Variants in PDXK observed in about 807,000 individuals in gnomAD.
The protein encoded by PDXK is epididymis secretory sperm binding protein Li 1a.
Under a neutral mutation model 43.2 loss-of-function variants are expected in PDXK, and 15 were observed. The ratio of observed to expected loss-of-function variants is 0.35; its 90% confidence interval spans 0.23 to 0.53. The LOEUF is 0.53. Among genes scored for constraint, PDXK ranks in the 20% least tolerant of loss-of-function variants. PDXK has a pLI of 0.92. For missense variants in PDXK, 343 were observed against 417.0 expected, an observed-to-expected ratio of 0.82 and a Z score of 1.54; for synonymous variants, 172 against 165.4, an observed-to-expected ratio of 1.04 and a Z score of -0.31.
At position 43,759,862 on chromosome 21, in the gene PDXK, C is replaced by G. The variant is rs1260875252; in HGVS notation, c.*3799C>G. On this transcript the variant is annotated 3_prime_UTR_variant, in exon 11 of 11. Transcript: ENST00000291565. Reference sequence around the variant, plus strand: ...CTCCCGTGTCCGTCCACCGAGCACTCAGATGGATGCTGATCACCAGGGCCG... The same window carrying G: ...CTCCCGTGTCCGTCCACCGAGCACTGAGATGGATGCTGATCACCAGGGCCG... The G allele has an allele frequency of 2.0e-5, 3 of 152,210 alleles. No individual in the cohort carries two copies. The highest frequency in any genetic ancestry group is 2.0e-4 in the Admixed American group (3 of 15,286). 9.4% of individuals were successfully genotyped at this position (152,210 alleles called of 1,614,324 possible).
intron 3 of PDXK, 46 bp from the exon 4 acceptor site, chr21:43,743,678 G>T (rs1179080546): frequency 2.3e-6 from 3 of 1,320,978 alleles, no homozygotes; most frequent in African/African-American, 1.4e-5. Flanking sequence ...GTTGATCGTG[G>T]TGAGTCTCCT....
chr21:43,722,681 G>A (rs575173812), intron 1 of PDXK, among the ~76,000 whole-genome samples: 1 of 151,938 alleles, frequency 6.6e-6, no homozygotes, highest in African/African-American at 2.4e-5. Context: ...CCAGGCTTCT[G>A]GGGCTCACGG....
At position 43,733,832 on chromosome 21, in the gene PDXK, G is replaced by C; in HGVS notation, c.88-237G>C. 4 of 681,114 alleles carry C rather than the reference G, an allele frequency of 5.9e-6. No homozygotes were observed. In the South Asian group the frequency reaches 7.7e-5, roughly 13 times the overall value. 42.2% of individuals were successfully genotyped at this position (681,114 alleles called of 1,614,324 possible). A position where few individuals can be genotyped will look rare whatever the true frequency, so the allele number is the denominator to read the frequency against. On this transcript the variant is annotated intron_variant, in intron 1 of 10. Transcript: ENST00000291565. Reference sequence around the variant, plus strand: ...GGCTGGGCGATGCCCTCCCGGGCTGGTTGCTCCCCAGAGAGGGAAGCCCAG... The same window carrying C: ...GGCTGGGCGATGCCCTCCCGGGCTGCTTGCTCCCCAGAGAGGGAAGCCCAG...
At position 43,723,588 on chromosome 21, in the gene PDXK, T is replaced by A. The variant is rs2147203365; in HGVS notation, c.87+4207T>A. 1 of 152,356 alleles carries A rather than the reference T, an allele frequency of 6.6e-6. No homozygotes were observed. Among genetic ancestry groups the A allele is most frequent in the Admixed American group, 6.5e-5 (1 of 15,296 alleles). 9.4% of individuals were successfully genotyped at this position (152,356 alleles called of 1,614,324 possible). ...AAAGTGGCATAAACCAAGGGGTGAA[T>A]TAAAGGCCCAGAAGTTGATGACGTC... is the stretch of plus-strand genomic sequence containing the variant. On this transcript the variant is annotated intron_variant, in intron 1 of 10. Transcript: ENST00000291565. The surrounding 1 kb of genome is among the most constrained non-coding windows in gnomAD (Gnocchi z 4.1).
intron 1 of PDXK, chr21:43,733,579 C>G (rs1601794611): frequency 3.2e-6 from 3 of 948,590 alleles, no homozygotes; most frequent in African/African-American, 1.8e-5. Context: ...GACTCTCACT[C>G]AGGCTTTTGA....
chr21:43,739,593 TTTAAAAGCCCCTTGAAACC>T (rs1206230472), intron 2 of PDXK, among the ~76,000 whole-genome samples: 2 of 148,980 alleles, frequency 1.3e-5, no homozygotes, highest in Non-Finnish European at 3.0e-5. Context: ...GGCCCAGGGT[TTTAAAAGCCCCTTGAAACC>T]ATCAGCTTTT....
At chr21:43,741,849 C>A in intron 3 of PDXK, 78 bp downstream of exon 3, 2 of 934,394 alleles carry the variant, frequency 2.1e-6, no homozygotes, top group Non-Finnish European at 3.4e-6. Context: ...GTCCAGAGCA[C>A]CCCCGCCCTG....
chr21:43,721,111 T>C (rs2083203378), intron 1 of PDXK, among the ~76,000 whole-genome samples: 1 of 152,196 alleles, frequency 6.6e-6, no homozygotes, highest in Non-Finnish European at 1.5e-5. Flanking sequence ...CATACCCCGA[T>C]GTCCAAGCCC....
At chr21:43,729,637 A>G (rs2838357) in intron 1 of PDXK, among the ~76,000 whole-genome samples, 20,150 of 152,182 alleles carry the variant, frequency 0.13, 1,425 homozygotes, top group Middle Eastern at 0.22. Context: ...GAGGGGAGCT[A>G]GGAGCAGAAC....
intron 1 of PDXK, chr21:43,728,613 C>A: frequency 1.6e-6 from 1 of 623,064 alleles, no homozygotes; most frequent in Non-Finnish European, 2.0e-6. Context: ...GCCTGTCTGC[C>A]TCGCTGTGAG....
At chr21:43,719,501 G>A (rs1295364174) in intron 1 of PDXK, 120 bp downstream of exon 1, 1 of 1,318,944 alleles carries the variant, frequency 7.6e-7, no homozygotes, top group Non-Finnish European at 1.0e-6. Flanking sequence ...AGCCTGGCGC[G>A]GGCGCCCTGG....
intron 1 of PDXK, among the ~76,000 whole-genome samples, chr21:43,720,624 C>T (rs528849073): frequency 3.3e-5 from 5 of 152,276 alleles, no homozygotes; most frequent in South Asian, 4.1e-4. Flanking sequence ...CAGGGTGCAC[C>T]GGTTCTGTGG....
intron 4 of PDXK, among the ~76,000 whole-genome samples, chr21:43,745,292 C>T (rs2083618960): frequency 6.6e-6 from 1 of 152,078 alleles, no homozygotes; most frequent in Non-Finnish European, 1.5e-5. Flanking sequence ...TGGTGGCGCA[C>T]ACCTCTAATC....
At chr21:43,719,722 G>A (rs1018523145) in intron 1 of PDXK, 1 of 985,460 alleles carries the variant, frequency 1.0e-6, no homozygotes, top group African/African-American at 1.7e-5. Context: ...CGGGCGGTGC[G>A]GCTCCCGGAG....
chr21:43,722,421 C>T (rs1044184111), intron 1 of PDXK, among the ~76,000 whole-genome samples: 10 of 152,210 alleles, frequency 6.6e-5, no homozygotes, highest in South Asian at 2.1e-4. Context: ...CTATTGCTTC[C>T]GTAACCCTAA....
intron 2 of PDXK, among the ~76,000 whole-genome samples, chr21:43,740,019 C>T (rs2147255509): frequency 1.3e-5 from 2 of 152,088 alleles, no homozygotes; most frequent in African/African-American, 4.8e-5. Context: ...CTCCTGACCC[C>T]AGTGACTGTT....
rs61737063 is a variant in PDXK at position 43,753,631 on chromosome 21, G to A, written c.671G>A (p.Arg224His). 16 of 1,613,298 alleles carry A rather than the reference G, an allele frequency of 9.9e-6. No individual in the cohort carries two copies. Among genetic ancestry groups the A allele is most frequent in the South Asian group, 9.9e-5 (9 of 91,022 alleles). The change falls in exon 9 of 11, where the codon CGC (arginine) becomes CAC (histidine). Residue 224 changes from arginine (R) to histidine (H), a missense_variant. Arg to His is a conservative substitution (Grantham distance 29). Transcript: ENST00000291565. ...VVMERIRMDI[R>H]KVDAVFVGTG... ...ATGGAACGCATCCGGATGGACATTCGCAAAGTGGACGCCGTCTTTGTGGGC... is the reference window on the plus strand; with the variant it reads ...ATGGAACGCATCCGGATGGACATTCACAAAGTGGACGCCGTCTTTGTGGGC...
intron 1 of PDXK, among the ~76,000 whole-genome samples, chr21:43,721,016 C>T (rs571844280): frequency 4.5e-4 from 69 of 152,314 alleles, no homozygotes; most frequent in African/African-American, 1.6e-3. Context: ...GAAAGGATGG[C>T]GCTGCTGTTC....
rs915494032 is a variant in PDXK at position 43,758,892 on chromosome 21, A to G, written c.*2829A>G. 6.6e-6 allele frequency: 1 copy of G among 152,190 alleles called. No homozygotes were observed. Among genetic ancestry groups the G allele is most frequent in the Non-Finnish European group, 1.5e-5 (1 of 68,028 alleles). The allele number at this position is 152,190 out of a possible 1,614,324, so 9.4% of individuals were successfully genotyped here. On this transcript the variant is annotated 3_prime_UTR_variant, in exon 11 of 11. Transcript: ENST00000291565. ...TTTTAAATTGTTGCCTAGTCCTGCCAAGGTTATTATGTGCATCTGTTATTT... is the reference window on the plus strand; with the variant it reads ...TTTTAAATTGTTGCCTAGTCCTGCCGAGGTTATTATGTGCATCTGTTATTT...
Sources: gnomAD v4.1 joint callset for allele counts (sites outside exome capture counted in the v4.1 genomes callset) on GRCh38, gnomAD v4.1.1 for gene constraint, Gnocchi (gnomAD v3.1) non-coding constraint, MANE v1.5 for transcripts, NCBI Gene and HGNC (gene_info 2026-07-23, HGNC 2026-07-21) for gene names.